Variants in DST observed in about 807,000 individuals in gnomAD.
DST encodes the protein dystonin.
Under a neutral mutation model 875.2 loss-of-function variants are expected in DST, and 253 were observed. That is an observed-to-expected ratio of 0.29 (90% CI 0.26 to 0.32). The LOEUF (loss-of-function observed/expected upper bound fraction) is 0.32, where lower values mean the gene tolerates loss of function less well. Ranked by LOEUF, DST falls within the 10% of genes least tolerant of loss-of-function variation. The pLI is 1.00. For synonymous variants in DST, 3,124 were observed against 3,197.1 expected, an observed-to-expected ratio of 0.98 and a Z score of 0.77; for missense variants, 8,287 against 9,111.6, an observed-to-expected ratio of 0.91 and a Z score of 3.68.
At chr6:56,824,713 G>A (rs879414570) in intron 4 of DST, among the ~76,000 whole-genome samples, 4 of 152,020 alleles carry the variant, frequency 2.6e-5, no homozygotes, top group Non-Finnish European at 5.9e-5. Flanking sequence ...TGAGAAGTGA[G>A]GAGACCCTCT....
chr6:56,489,066 T>C (rs559815708), intron 86 of DST, among the ~76,000 whole-genome samples: 9 of 152,338 alleles, frequency 5.9e-5, no homozygotes, highest in African/African-American at 1.9e-4. Flanking sequence ...TCTCACTCTA[T>C]TGTTTAAAAG....
chr6:56,614,719 C>T, intron 36 of DST: 10 of 1,132,834 alleles, frequency 8.8e-6, no homozygotes, highest in Non-Finnish European at 1.1e-5. Context: ...TTGGTCTAAC[C>T]TCCCAGCTGT....
chr6:56,786,161 G>T (rs1000191436), intron 4 of DST, among the ~76,000 whole-genome samples: 4 of 152,110 alleles, frequency 2.6e-5, no homozygotes, highest in African/African-American at 9.7e-5. Context: ...TCATTTGGGG[G>T]GGAGGGGTTG....
intron 36 of DST, chr6:56,618,771 G>C: frequency 6.2e-7 from 1 of 1,614,020 alleles, no homozygotes; most frequent in African/African-American, 1.3e-5. Flanking sequence ...ATCTTCTTCC[G>C]AAACTCCTCT....
intron 102 of DST, among the ~76,000 whole-genome samples, chr6:56,462,671 C>G (rs2094393615): frequency 6.6e-6 from 1 of 152,072 alleles, no homozygotes; most frequent in South Asian, 2.1e-4. Flanking sequence ...TGTTGCACTT[C>G]TTGCCCATAT....
chr6:56,520,601 T>C (rs1036062898), intron 69 of DST, among the ~76,000 whole-genome samples: 1 of 152,154 alleles, frequency 6.6e-6, no homozygotes, highest in African/African-American at 2.4e-5. Flanking sequence ...CAGGTGAACT[T>C]AGAATTATCT....
intron 4 of DST, among the ~76,000 whole-genome samples, chr6:56,784,877 ATGATGG>A (rs1233228556): frequency 6.6e-6 from 1 of 151,834 alleles, no homozygotes; most frequent in East Asian, 1.9e-4. Flanking sequence ...TTGGTCTTTG[ATGATGG>A]TGATGTACAG....
At chr6:56,648,977 T>C (rs1000111215) in intron 12 of DST, among the ~76,000 whole-genome samples, 6 of 152,146 alleles carry the variant, frequency 3.9e-5, no homozygotes, top group African/African-American at 1.4e-4. Flanking sequence ...GGGCTCAATC[T>C]AAGCACAGCA....
At position 56,602,919 on chromosome 6, in the gene DST, T is replaced by A. The variant is rs1286722780; in HGVS notation, c.11270A>T (p.Asp3757Val). The change falls in exon 43 of 104, where the codon GAT becomes GTT. Residue 3757 changes from aspartate to valine, a missense_variant. Asp to Val is a radical substitution (Grantham distance 152, BLOSUM62 -3). Around this residue, in one of 10 missense-constraint regions of DST, gnomAD observed 3,138 missense variants for 3,116.6 expected, o/e 1.01. Coordinates refer to ENST00000680361, the MANE Select transcript of DST (RefSeq NM_001374736.1). ...VKDIEIVNVQ[D>V]SEYVKKRLEF... is the part of the protein sequence containing the mutation. ...CAAACGTTTCTTTACATACTCAGAA[T>A]CTTGAACATTCACAATCTCAATATC... 1 of 1,574,194 alleles carries A rather than the reference T, an allele frequency of 6.4e-7. No homozygotes were observed. The highest frequency in any genetic ancestry group is 8.6e-7 in the Non-Finnish European group (1 of 1,167,606).
chr6:56,790,062 T>C (rs2099714867), intron 4 of DST, among the ~76,000 whole-genome samples: 1 of 152,230 alleles, frequency 6.6e-6, no homozygotes, highest in Non-Finnish European at 1.5e-5. Context: ...TTTCTCTTCA[T>C]GCCTAGACTG....
chr6:56,945,778 G>T (rs1819117062), intron 2 of DST: 1 of 151,666 alleles, frequency 6.6e-6, no homozygotes, highest in Admixed American at 6.6e-5. Context: ...ATACAGAGAA[G>T]ATTAGCATGG....
At chr6:56,469,492 A>G (rs1469103170) in intron 97 of DST, among the ~76,000 whole-genome samples, 2 of 152,108 alleles carry the variant, frequency 1.3e-5, no homozygotes, top group African/African-American at 2.4e-5. Context: ...CTCTTTTCAT[A>G]TTTATTAAAA....
At chr6:56,844,501 T>C (rs2099804865) in intron 4 of DST, among the ~76,000 whole-genome samples, 1 of 152,214 alleles carries the variant, frequency 6.6e-6, no homozygotes. Flanking sequence ...GATATATGTG[T>C]ATCATATACT....
At chr6:56,525,183 T>A (rs1352734070) in intron 69 of DST, among the ~76,000 whole-genome samples, 7 of 152,226 alleles carry the variant, frequency 4.6e-5, no homozygotes, top group Non-Finnish European at 1.0e-4. Context: ...ATTTTCTTGC[T>A]GTTTAGAGAA....
intron 36 of DST, chr6:56,619,099 T>G (rs767929051): frequency 1.1e-5 from 18 of 1,613,142 alleles, no homozygotes; most frequent in Non-Finnish European, 1.4e-5. Context: ...GGCATTTAAT[T>G]TTTCTTTGAA....
At chr6:56,752,983 G>A (rs2099592230) in intron 4 of DST, among the ~76,000 whole-genome samples, 3 of 151,906 alleles carry the variant, frequency 2.0e-5, no homozygotes, top group African/African-American at 4.8e-5. Flanking sequence ...TAGAGACGGG[G>A]TTTCTCCATG....
rs555403602 is a variant in DST at position 56,736,936 on chromosome 6, G to A, written c.626-1647C>T. Among the ~76,000 whole-genome samples, 37 of 152,316 alleles carry A rather than the reference G, an allele frequency of 2.4e-4. 1 individual carries two copies. The highest frequency in any genetic ancestry group is 5.2e-4 in the Admixed American group (8 of 15,302). ...TGCCTGTAATCCCAGCCCTTCGGGA[G>A]GCCAATGCAGGCAAATTGTTTGAGC... On this transcript the variant is annotated intron_variant, in intron 4 of 103. Transcript: ENST00000680361.
intron 3 of DST, among the ~76,000 whole-genome samples, chr6:56,895,035 C>T (rs1197678663): frequency 8.9e-6 from 1 of 112,170 alleles, no homozygotes; most frequent in Non-Finnish European, 1.8e-5. Context: ...GGGGGGTTGA[C>T]CCCCCACCTC....
intron 75 of DST, among the ~76,000 whole-genome samples, chr6:56,507,975 G>C (rs1436731829): frequency 6.6e-6 from 1 of 152,028 alleles, no homozygotes; most frequent in Non-Finnish European, 1.5e-5. Context: ...AGATAATAAG[G>C]CCCTGAAATA....
Sources: gnomAD v4.1 joint callset for allele counts (sites outside exome capture counted in the v4.1 genomes callset) on GRCh38, gnomAD v4.1.1 for gene constraint, gnomAD v4.1.1 regional missense constraint, MANE v1.5 for transcripts, NCBI Gene and HGNC (gene_info 2026-07-23, HGNC 2026-07-21) for gene names.